REDIC1: variants seen among roughly 807,000 people sequenced by gnomAD.
REDIC1 encodes regulator of DNA class I crossover intermediates 1.
chr12:39,855,723 C>A, the REDIC1 span, among the ~76,000 whole-genome samples: 2 of 152,190 alleles, frequency 1.3e-5, no homozygotes, highest in African/African-American at 4.8e-5. Flanking sequence ...CTGTATAGAA[C>A]TTACACAATT....
the REDIC1 span, among the ~76,000 whole-genome samples, chr12:39,713,382 GTA>G: frequency 4.4e-4 from 54 of 122,168 alleles, 3 homozygotes; most frequent in African/African-American, 1.4e-3. Flanking sequence ...ATATACATAT[GTA>G]TGTGTGTAGA....
At chr12:39,865,726 G>C in the REDIC1 span, among the ~76,000 whole-genome samples, 1 of 152,214 alleles carries the variant, frequency 6.6e-6, no homozygotes, top group Non-Finnish European at 1.5e-5. Flanking sequence ...GTCCTTTGCA[G>C]CAACATGGAT....
the REDIC1 span, among the ~76,000 whole-genome samples, chr12:39,782,616 G>C: frequency 2.0e-5 from 3 of 152,128 alleles, no homozygotes; most frequent in African/African-American, 7.2e-5. Flanking sequence ...AAGTAGAGTG[G>C]GGCATTGCTG....
At chr12:39,795,921 T>C in the REDIC1 span, among the ~76,000 whole-genome samples, 3 of 152,192 alleles carry the variant, frequency 2.0e-5, no homozygotes, top group East Asian at 5.8e-4. Flanking sequence ...TTTTAAAGCA[T>C]ATAACTCAGT....
chr12:39,811,869 C>T, the REDIC1 span, among the ~76,000 whole-genome samples: 2 of 152,142 alleles, frequency 1.3e-5, no homozygotes, highest in African/African-American at 2.4e-5. Flanking sequence ...GTTTTCATGT[C>T]TAATTGGACA....
the REDIC1 span, among the ~76,000 whole-genome samples, chr12:39,827,527 C>T: frequency 1.3e-5 from 2 of 152,292 alleles, no homozygotes; most frequent in East Asian, 1.9e-4. Flanking sequence ...TCACCACTTA[C>T]ACTCTTTTGT....
chr12:39,753,151 G>A, the REDIC1 span, among the ~76,000 whole-genome samples: 1 of 152,180 alleles, frequency 6.6e-6, no homozygotes, highest in African/African-American at 2.4e-5. Context: ...AGACTAGACT[G>A]CATGCTGATG....
chr12:39,754,595 G>A, the REDIC1 span, among the ~76,000 whole-genome samples: 1 of 152,056 alleles, frequency 6.6e-6, no homozygotes, highest in Admixed American at 6.6e-5. Flanking sequence ...AGCTATGATT[G>A]AGGCAGAATG....
At chr12:39,713,350 A>G in the REDIC1 span, among the ~76,000 whole-genome samples, 1 of 144,974 alleles carries the variant, frequency 6.9e-6, no homozygotes, top group East Asian at 2.0e-4. Context: ...ATATATGTGT[A>G]TACACATATA....
the REDIC1 span, among the ~76,000 whole-genome samples, chr12:39,734,237 T>G: frequency 6.6e-6 from 1 of 152,176 alleles, no homozygotes; most frequent in Non-Finnish European, 1.5e-5. Context: ...ATGGGCTGCA[T>G]GCACTGTCTA....
the REDIC1 span, among the ~76,000 whole-genome samples, chr12:39,860,948 A>G: frequency 2.0e-4 from 31 of 152,250 alleles, no homozygotes; most frequent in African/African-American, 6.7e-4. Flanking sequence ...TCTTCCATGG[A>G]TTTACGTTCT....
the REDIC1 span, among the ~76,000 whole-genome samples, chr12:39,711,334 C>T: frequency 2.0e-5 from 3 of 146,618 alleles, no homozygotes; most frequent in Admixed American, 6.9e-5. Flanking sequence ...GTATAGATCA[C>T]ATATATACAT....
chr12:39,732,973 T>A, the REDIC1 span, among the ~76,000 whole-genome samples: 1 of 152,114 alleles, frequency 6.6e-6, no homozygotes, highest in Non-Finnish European at 1.5e-5. Flanking sequence ...TTCATTTTTT[T>A]AAATTGGAGG....
At chr12:39,767,858 G>C in the REDIC1 span, among the ~76,000 whole-genome samples, 1 of 152,018 alleles carries the variant, frequency 6.6e-6, no homozygotes. Context: ...TCTCCTTCCT[G>C]TCGCCATGTG....
chr12:39,823,017 G>A, the REDIC1 span, among the ~76,000 whole-genome samples: 1 of 152,150 alleles, frequency 6.6e-6, no homozygotes. Flanking sequence ...AAATCCAAGG[G>A]AGTCTAAATT....
the REDIC1 span, among the ~76,000 whole-genome samples, chr12:39,751,803 C>A: frequency 1.3e-5 from 2 of 152,096 alleles, no homozygotes; most frequent in East Asian, 3.9e-4. Context: ...ATCACAAGGA[C>A]AAAAAACCAA....
chr12:39,786,716 C>A, the REDIC1 span, among the ~76,000 whole-genome samples: 1 of 152,138 alleles, frequency 6.6e-6, no homozygotes, highest in East Asian at 1.9e-4. Flanking sequence ...AGTATTAAAT[C>A]TGGGCTCAGC....
chr12:39,903,704 G>T, the REDIC1 span, among the ~76,000 whole-genome samples: 1 of 152,062 alleles, frequency 6.6e-6, no homozygotes, highest in Non-Finnish European at 1.5e-5. Context: ...GAAGCAGCAG[G>T]CCCCAGAAAT....
the REDIC1 span, among the ~76,000 whole-genome samples, chr12:39,677,677 A>G: frequency 7.9e-5 from 12 of 152,226 alleles, no homozygotes; most frequent in African/African-American, 2.9e-4. Flanking sequence ...TCCAAGATAG[A>G]CCATATGATA....
Sources: gnomAD v4.1 joint callset for allele counts (sites outside exome capture counted in the v4.1 genomes callset) on GRCh38, gnomAD v4.1.1 for gene constraint, MANE v1.5 for transcripts, NCBI Gene and HGNC (gene_info 2026-07-23, HGNC 2026-07-21) for gene names.